Variants in PDXDC1 observed in about 807,000 individuals in gnomAD.
PDXDC1 encodes the protein pyridoxal dependent decarboxylase domain containing 1, also known as pyridoxal-dependent decarboxylase domain-containing protein 1.
In PDXDC1, 42 loss-of-function variants were observed where a neutral mutation model predicts 100.1. That is an observed-to-expected ratio of 0.42 (90% CI 0.33 to 0.54). The LOEUF is 0.54. Ranked by LOEUF, PDXDC1 falls within the 20% of genes least tolerant of loss-of-function variation. The pLI, the probability that PDXDC1 is intolerant of heterozygous loss-of-function variation, is 0.10. For missense variants in PDXDC1, 636 were observed against 979.2 expected, an observed-to-expected ratio of 0.65 and a Z score of 4.68; for synonymous variants, 260 against 371.7, an observed-to-expected ratio of 0.70 and a Z score of 3.46.
intron 16 of PDXDC1, chr16:15,071,125 G>C: frequency 6.2e-7 from 1 of 1,606,332 alleles, no homozygotes. Flanking sequence ...ACTTACATAA[G>C]AGGAATAAAT....
intron 16 of PDXDC1, among the ~76,000 whole-genome samples, chr16:15,131,886 G>A (rs2048082350): frequency 1.8e-4 from 1 of 5,606 alleles, no homozygotes; most frequent in Non-Finnish European, 3.6e-4. Context: ...GGGGGAGGGG[G>A]AAGGGGATGG....
intron 16 of PDXDC1, among the ~76,000 whole-genome samples, chr16:15,055,569 G>C (rs1031432389): frequency 1.3e-5 from 2 of 152,244 alleles, no homozygotes; most frequent in African/African-American, 2.4e-5. Flanking sequence ...CAGCCCTATG[G>C]GGGCTGCAGC....
At chr16:15,041,057 A>G, downstream of PDXDC1, 1 of 1,585,320 alleles carries the variant, frequency 6.3e-7, no homozygotes, top group Non-Finnish European at 8.7e-7. Flanking sequence ...CAAAAGATGC[A>G]CACTACTTAC....
rs1202693536 is a variant in PDXDC1 at position 15,135,860 on chromosome 16, G to C, written c.1400-3019G>C. 5.9e-6 allele frequency: 9 copies of C among 1,536,990 alleles called. No homozygotes were observed. The Admixed American group carries it at 1.5e-4, about 26-fold the overall frequency. On this transcript the variant is annotated intron_variant, in intron 16 of 16. Transcript: ENST00000535621. ...CCGTGCCAGTGGCGTGTCCCCAAAT[G>C]ACACGACAAACACAAAGCAGTAGTG...
At chr16:15,136,798 G>C (rs2048359479) in intron 16 of PDXDC1, 6 of 1,427,160 alleles carry the variant, frequency 4.2e-6, no homozygotes, top group Non-Finnish European at 4.9e-6. Flanking sequence ...GTGGGCCCAA[G>C]ACGGGGGTAC....
intron 17 of PDXDC1, chr16:15,032,517 G>C: frequency 5.3e-6 from 1 of 188,998 alleles, no homozygotes; most frequent in Admixed American, 5.7e-5. Flanking sequence ...AGCCAGAGGT[G>C]GTGGTGCACA....
intron 16 of PDXDC1, chr16:15,104,765 G>C (rs1376493946): frequency 1.3e-6 from 2 of 1,594,864 alleles, no homozygotes; most frequent in Admixed American, 1.7e-5. Flanking sequence ...TGACCTGTAG[G>C]GCCAAAGGAG....
intron 20 of PDXDC1, 26 bp downstream of exon 20, chr16:15,034,404 T>G (rs2043267267): frequency 1.2e-6 from 2 of 1,613,210 alleles, no homozygotes; most frequent in Non-Finnish European, 1.7e-6. Flanking sequence ...GGCAGCAGGC[T>G]GGGGGAGCCG....
intron 19 of PDXDC1, 97 bp from the exon 20 acceptor site, chr16:15,034,189 C>T: frequency 9.9e-7 from 1 of 1,011,470 alleles, no homozygotes; most frequent in Non-Finnish European, 1.5e-6. Flanking sequence ...TTTCATTGAC[C>T]TGCTTTTGAA....
chr16:15,149,337 A>C, the PDXDC1 span, among the ~76,000 whole-genome samples: 8 of 152,174 alleles, frequency 5.3e-5, no homozygotes, highest in African/African-American at 1.9e-4. Context: ...GGCTCCAGTG[A>C]TAACGGAGCC....
intron 17 of PDXDC1, chr16:15,032,153 G>A (rs1437631673): frequency 2.0e-5 from 11 of 547,810 alleles, no homozygotes; most frequent in Non-Finnish European, 3.6e-5. Context: ...AGCTACCTAG[G>A]AGAAGATGCC....
At chr16:15,144,579 G>C in the PDXDC1 span, among the ~76,000 whole-genome samples, 12 of 152,138 alleles carry the variant, frequency 7.9e-5, no homozygotes, top group Non-Finnish European at 1.2e-4. Flanking sequence ...TCCCGGACAC[G>C]GGGTGTGAGA....
At chr16:15,147,397 C>T in the PDXDC1 span, among the ~76,000 whole-genome samples, 3 of 152,250 alleles carry the variant, frequency 2.0e-5, no homozygotes, top group Non-Finnish European at 4.4e-5. Flanking sequence ...CCTCAATTTC[C>T]TGGTCTGTAA....
At position 15,085,581 on chromosome 16, in the gene PDXDC1, G is replaced by T. The variant is rs1008004305; in HGVS notation, c.1400-53298G>T. 4 of 1,591,092 alleles carry T rather than the reference G, an allele frequency of 2.5e-6. No individual in the cohort carries two copies. The Admixed American group carries it at 7.1e-5, about 28-fold the overall frequency. On this transcript the variant is annotated intron_variant, in intron 16 of 16. Transcript: ENST00000535621. ...GATCCTCCCGTCTTGGCTTCCCAAA[G>T]TGCTGGGATTATGGGTGAAAGCTAC...
At chr16:15,121,884 C>G in intron 16 of PDXDC1, 1 of 193,640 alleles carries the variant, frequency 5.2e-6, no homozygotes, top group South Asian at 6.2e-5. Context: ...GTGGCTCACG[C>G]CTGTAATCCC....
At chr16:15,085,630 T>C in intron 16 of PDXDC1, 2 of 1,612,236 alleles carry the variant, frequency 1.2e-6, no homozygotes, top group Non-Finnish European at 1.7e-6. Flanking sequence ...TAAACCTTTT[T>C]ATACTTACTA....
intron 9 of PDXDC1, among the ~76,000 whole-genome samples, chr16:15,016,646 T>C (rs2151493992): frequency 6.6e-6 from 1 of 152,402 alleles, no homozygotes; most frequent in African/African-American, 2.4e-5. Context: ...ATAGTTGAGG[T>C]TCTTTGCTCT....
chr16:15,051,692 T>C (rs2044295531), intron 16 of PDXDC1, among the ~76,000 whole-genome samples: 1 of 137,602 alleles, frequency 7.3e-6, no homozygotes, highest in Non-Finnish European at 1.6e-5. Flanking sequence ...CTCTACTTTA[T>C]TTTTAATTTT....
chr16:15,061,702 G>A (rs1364305630), intron 16 of PDXDC1: 1 of 1,580,726 alleles, frequency 6.3e-7, no homozygotes. Context: ...GACAAGTGAT[G>A]GGGAATCCCA....
Sources: gnomAD v4.1 joint callset for allele counts (sites outside exome capture counted in the v4.1 genomes callset) on GRCh38, gnomAD v4.1.1 for gene constraint, MANE v1.5 for transcripts, NCBI Gene and HGNC (gene_info 2026-07-23, HGNC 2026-07-21) for gene names.